TMEM178A: variants seen among roughly 807,000 people sequenced by gnomAD.
The protein encoded by TMEM178A is transmembrane protein 178A.
In TMEM178A, 12 loss-of-function variants were observed where a neutral mutation model predicts 29.1. The observed-to-expected ratio is 0.41, with a 90% CI of 0.26 to 0.67. The LOEUF (loss-of-function observed/expected upper bound fraction) is 0.67. TMEM178A is among the 30% of genes least tolerant of loss of function. The probability of loss-of-function intolerance (pLI) is 0.29; values close to 1 mark genes in which losing one functional copy is unlikely to be tolerated. For missense variants in TMEM178A, 366 were observed against 419.1 expected (o/e 0.87, Z 1.11); for synonymous variants, 210 against 187.2 (o/e 1.12, Z -0.99).
intron 3 of TMEM178A, among the ~76,000 whole-genome samples, chr2:39,708,409 AT>A (rs956611778): frequency 0.027 from 1,868 of 69,612 alleles, 17 homozygotes; most frequent in African/African-American, 0.094. Context: ...GAGTGACTTG[AT>A]TTTTTTTTTT....
At chr2:39,708,407 TG>T (rs1672135399) in intron 3 of TMEM178A, among the ~76,000 whole-genome samples, 3 of 134,670 alleles carry the variant, frequency 2.2e-5, no homozygotes, top group African/African-American at 8.3e-5. Flanking sequence ...AGGAGTGACT[TG>T]ATTTTTTTTT....
At chr2:39,733,413 G>T in the TMEM178A span, among the ~76,000 whole-genome samples, 1 of 152,158 alleles carries the variant, frequency 6.6e-6, no homozygotes, top group African/African-American at 2.4e-5. Flanking sequence ...TGAGTTGAAC[G>T]AACAAGGTGC....
intron 3 of TMEM178A, among the ~76,000 whole-genome samples, chr2:39,709,129 G>A (rs78762861): frequency 0.022 from 3,382 of 152,300 alleles, 115 homozygotes; most frequent in African/African-American, 0.076. Flanking sequence ...ACACCCCACC[G>A]GGGCTGACAC....
At chr2:39,699,356 T>C (rs1321931900) in intron 1 of TMEM178A, among the ~76,000 whole-genome samples, 1 of 152,160 alleles carries the variant, frequency 6.6e-6, no homozygotes, top group Non-Finnish European at 1.5e-5. Flanking sequence ...ATTCTTTATT[T>C]TATGTATTTC....
rs149653611 is a variant in TMEM178A at position 39,683,130 on chromosome 2, C to T, written c.400+16756C>T. On this transcript the variant is annotated intron_variant, in intron 1 of 3. Transcript: ENST00000281961. ...TGGTTATTCATTTTCTCTGTATTTA[C>T]AGGCAAATGCCACTTTATTAGCTTG... is the stretch of plus-strand genomic sequence containing the variant. Among the ~76,000 whole-genome samples, 88 of 152,318 alleles carry T rather than the reference C, an allele frequency of 5.8e-4. 1 individual carries two copies. Among genetic ancestry groups the T allele is most frequent in the East Asian group, 5.6e-3 (29 of 5,184 alleles).
the TMEM178A span, among the ~76,000 whole-genome samples, chr2:39,730,218 G>A: frequency 2.6e-5 from 4 of 152,154 alleles, no homozygotes; most frequent in African/African-American, 9.7e-5. Context: ...CCTCTCTTGG[G>A]AATGATTTTG....
chr2:39,689,914 C>T (rs1217110313), intron 1 of TMEM178A, among the ~76,000 whole-genome samples: 1 of 152,194 alleles, frequency 6.6e-6, no homozygotes, highest in Non-Finnish European at 1.5e-5. Flanking sequence ...TTTCACCTTA[C>T]CTGTGTCACA....
chr2:39,667,604 AG>A (rs1438711125), intron 1 of TMEM178A, among the ~76,000 whole-genome samples: 1 of 152,172 alleles, frequency 6.6e-6, no homozygotes, highest in African/African-American at 2.4e-5. Flanking sequence ...CATAGAAAAG[AG>A]GGGGTTAATA....
At chr2:39,719,553 G>A (rs1369108745), downstream of TMEM178A, among the ~76,000 whole-genome samples, 3 of 152,226 alleles carry the variant, frequency 2.0e-5, no homozygotes, top group South Asian at 2.1e-4. Flanking sequence ...ACGCAAGTGT[G>A]GGCAAATGTT....
chr2:39,725,577 A>C, the TMEM178A span, among the ~76,000 whole-genome samples: 1 of 152,174 alleles, frequency 6.6e-6, no homozygotes, highest in Non-Finnish European at 1.5e-5. Flanking sequence ...GGCTGTGTTC[A>C]CTTGGTTGGC....
At chr2:39,691,619 G>A (rs1399841842) in intron 1 of TMEM178A, among the ~76,000 whole-genome samples, 2 of 152,038 alleles carry the variant, frequency 1.3e-5, no homozygotes, top group Non-Finnish European at 2.9e-5. Context: ...ATATGACCTG[G>A]CAATCCCACT....
chr2:39,684,073 T>A (rs1332516267), intron 1 of TMEM178A, among the ~76,000 whole-genome samples: 3 of 152,364 alleles, frequency 2.0e-5, no homozygotes, highest in African/African-American at 7.2e-5. Context: ...ATCTACCTAG[T>A]TCTGATCTGC....
chr2:39,716,268 G>T (rs1672530899), intron 3 of TMEM178A, among the ~76,000 whole-genome samples: 1 of 152,194 alleles, frequency 6.6e-6, no homozygotes. Flanking sequence ...TGTGTTTGGG[G>T]CTTATGAAGT....
intron 1 of TMEM178A, among the ~76,000 whole-genome samples, chr2:39,694,651 C>G (rs1289839352): frequency 6.6e-6 from 1 of 151,960 alleles, no homozygotes; most frequent in African/African-American, 2.4e-5. Context: ...AAGAGATGTG[C>G]TATAAGTAGA....
At chr2:39,701,274 T>C (rs1286833972) in intron 1 of TMEM178A, among the ~76,000 whole-genome samples, 1 of 152,158 alleles carries the variant, frequency 6.6e-6, no homozygotes, top group Non-Finnish European at 1.5e-5. Context: ...TAGCTGGGAA[T>C]ATTTTATTTT....
chr2:39,702,945 A>G (rs1671857006), intron 1 of TMEM178A, among the ~76,000 whole-genome samples: 1 of 152,128 alleles, frequency 6.6e-6, no homozygotes, highest in Admixed American at 6.6e-5. Flanking sequence ...ATGTACACTA[A>G]TATCTGAGAA....
chr2:39,701,635 T>C (rs1421213151), intron 1 of TMEM178A, among the ~76,000 whole-genome samples: 1 of 152,136 alleles, frequency 6.6e-6, no homozygotes, highest in Non-Finnish European at 1.5e-5. Flanking sequence ...ATACTCTTTT[T>C]TGATCCTCCT....
At chr2:39,667,958 C>G (rs1670242261) in intron 1 of TMEM178A, among the ~76,000 whole-genome samples, 1 of 152,212 alleles carries the variant, frequency 6.6e-6, no homozygotes, top group Admixed American at 6.5e-5. Context: ...GAAAGCTAAG[C>G]AGTGTAGTCT....
chr2:39,682,776 T>C (rs1431232189), intron 1 of TMEM178A, among the ~76,000 whole-genome samples: 1 of 152,188 alleles, frequency 6.6e-6, no homozygotes, highest in Non-Finnish European at 1.5e-5. Context: ...AAAATGAGGA[T>C]GAAAGCAGGG....
Sources: allele counts gnomAD v4.1 joint callset (sites outside exome capture counted in the v4.1 genomes callset), GRCh38; gene constraint gnomAD v4.1.1; transcripts MANE v1.5; gene names NCBI Gene and HGNC (gene_info 2026-07-23, HGNC 2026-07-21).